ADCY2: variants seen among roughly 807,000 people sequenced by gnomAD.
ADCY2 encodes the protein adenylate cyclase type 2.
Under a neutral mutation model 125.2 loss-of-function variants are expected in ADCY2, and 31 were observed. The ratio of observed to expected loss-of-function variants is 0.25; its 90% CI spans 0.19 to 0.33. The LOEUF is 0.33. ADCY2 is among the 10% of genes least tolerant of loss of function. The pLI is 1.00. For missense variants in ADCY2, 904 were observed against 1,418.2 expected (o/e 0.64, Z 5.82); for synonymous variants, 512 against 548.4 (o/e 0.93, Z 0.93).
At chr5:7,466,926 T>C (rs577762944) in intron 2 of ADCY2, among the ~76,000 whole-genome samples, 1 of 152,204 alleles carries the variant, frequency 6.6e-6, no homozygotes, top group South Asian at 2.1e-4. Context: ...TTCATGATGG[T>C]GTTAAAGTGG....
chr5:7,538,481 C>T (rs1734892638), intron 3 of ADCY2, among the ~76,000 whole-genome samples: 1 of 152,068 alleles, frequency 6.6e-6, no homozygotes, highest in South Asian at 2.1e-4. Flanking sequence ...GGCTTTCTTT[C>T]TCTCTGGCTT....
At chr5:7,596,283 C>A (rs547647707) in intron 3 of ADCY2, among the ~76,000 whole-genome samples, 41 of 151,974 alleles carry the variant, frequency 2.7e-4, no homozygotes, top group South Asian at 4.2e-4. Flanking sequence ...ACTCCCCCCC[C>A]CCACCAGTTA....
chr5:7,719,915 A>G (rs776585330), intron 12 of ADCY2, among the ~76,000 whole-genome samples: 1 of 152,116 alleles, frequency 6.6e-6, no homozygotes, highest in Non-Finnish European at 1.5e-5. Context: ...TTGCATTCCC[A>G]TATTCCTGAA....
chr5:7,650,114 T>C (rs892705588), intron 4 of ADCY2, among the ~76,000 whole-genome samples: 1 of 152,042 alleles, frequency 6.6e-6, no homozygotes, highest in African/African-American at 2.4e-5. Context: ...AGCAGCCACA[T>C]TGAGCCTTTA....
At chr5:7,738,832 A>G (rs1383841204) in intron 14 of ADCY2, among the ~76,000 whole-genome samples, 1 of 151,910 alleles carries the variant, frequency 6.6e-6, no homozygotes, top group Non-Finnish European at 1.5e-5. Flanking sequence ...GGAGGCGTAA[A>G]ATCATAAAAT....
intron 2 of ADCY2, among the ~76,000 whole-genome samples, chr5:7,457,194 G>C (rs939885489): frequency 7.9e-5 from 12 of 152,128 alleles, no homozygotes; most frequent in African/African-American, 2.9e-4. Context: ...GAGGCTTCAG[G>C]TTTTAGGAGA....
intron 21 of ADCY2, 31 bp from the exon 22 acceptor site, chr5:7,804,554 G>A: frequency 2.6e-6 from 4 of 1,532,958 alleles, no homozygotes; most frequent in Non-Finnish European, 1.8e-6. Context: ...GCATCCAGCT[G>A]AGTAACTGGA....
chr5:7,697,404 G>T (rs2126326098), intron 6 of ADCY2, among the ~76,000 whole-genome samples: 1 of 152,170 alleles, frequency 6.6e-6, no homozygotes, highest in South Asian at 2.1e-4. Flanking sequence ...TTCAATAACG[G>T]GGGGTTATTG....
chr5:7,423,087 A>G (rs1216496897), intron 2 of ADCY2, among the ~76,000 whole-genome samples: 1 of 152,226 alleles, frequency 6.6e-6, no homozygotes, highest in Non-Finnish European at 1.5e-5. Flanking sequence ...GCACACACCT[A>G]AGAAAAATTA....
chr5:7,716,484 T>G (rs1162252042), intron 11 of ADCY2, among the ~76,000 whole-genome samples: 1 of 152,228 alleles, frequency 6.6e-6, no homozygotes, highest in African/African-American at 2.4e-5. Flanking sequence ...ACACCGAGTA[T>G]ATATCTTTCA....
At chr5:7,632,915 C>T (rs1738365893) in intron 4 of ADCY2, among the ~76,000 whole-genome samples, 1 of 152,140 alleles carries the variant, frequency 6.6e-6, no homozygotes, top group Admixed American at 6.5e-5. Flanking sequence ...GAGATCACCA[C>T]AAATTTGCGA....
intron 20 of ADCY2, chr5:7,797,144 A>G (rs1744445630): frequency 6.6e-6 from 1 of 152,232 alleles, no homozygotes; most frequent in Non-Finnish European, 1.5e-5. Flanking sequence ...GGGTCAGGCT[A>G]GCATGCCCTT....
intron 14 of ADCY2, among the ~76,000 whole-genome samples, chr5:7,735,192 A>G (rs1184392874): frequency 6.6e-6 from 1 of 152,176 alleles, no homozygotes; most frequent in East Asian, 1.9e-4. Context: ...AGTTGAGCAT[A>G]TTGGTGAGAG....
intron 2 of ADCY2, among the ~76,000 whole-genome samples, chr5:7,419,458 A>T (rs1398744433): frequency 6.6e-6 from 1 of 152,278 alleles, no homozygotes; most frequent in East Asian, 1.9e-4. Context: ...AGAATTATCT[A>T]TTGCCGAAGC....
chr5:7,734,459 A>C (rs376966394), intron 14 of ADCY2, among the ~76,000 whole-genome samples: 1 of 152,220 alleles, frequency 6.6e-6, no homozygotes, highest in East Asian at 1.9e-4. Flanking sequence ...ATAACAATGC[A>C]CTTGAATAAA....
chr5:7,724,114 CAAAAAAAAAAAAA>C (rs1272949604), intron 12 of ADCY2, among the ~76,000 whole-genome samples: 5 of 76,568 alleles, frequency 6.5e-5, no homozygotes, highest in Admixed American at 4.0e-4. Context: ...TAGAAGCTAA[CAAAAAAAAAAAAA>C]AAAAAAAAAA....
At chr5:7,663,699 C>T (rs1279287147) in intron 4 of ADCY2, among the ~76,000 whole-genome samples, 1 of 152,184 alleles carries the variant, frequency 6.6e-6, no homozygotes, top group South Asian at 2.1e-4. Context: ...CATAGATGGA[C>T]CGCTGCATGA....
intron 3 of ADCY2, among the ~76,000 whole-genome samples, chr5:7,597,095 TTTATC>T (rs1341161793): frequency 6.6e-6 from 1 of 152,154 alleles, no homozygotes; most frequent in African/African-American, 2.4e-5. Flanking sequence ...GAAATTTCTA[TTTATC>T]TTGGTCTTTT....
At chr5:7,644,844 C>T (rs189253773) in intron 4 of ADCY2, among the ~76,000 whole-genome samples, 167 of 152,196 alleles carry the variant, frequency 1.1e-3, no homozygotes, top group Non-Finnish European at 1.7e-3. Context: ...TCATACACTC[C>T]GCCCCACCAA....
Sources: allele counts gnomAD v4.1 joint callset (sites outside exome capture counted in the v4.1 genomes callset), GRCh38; gene constraint gnomAD v4.1.1; transcripts MANE v1.5; gene names NCBI Gene and HGNC (gene_info 2026-07-23, HGNC 2026-07-21).